Variants in FRMD6 observed in about 807,000 individuals in gnomAD.
The protein encoded by FRMD6 is FERM domain-containing protein 6.
Under a neutral mutation model 73.2 loss-of-function variants are expected in FRMD6, and 37 were observed. The observed-to-expected ratio is 0.51, with a 90% CI of 0.39 to 0.66. FRMD6 has a LOEUF of 0.66. FRMD6 is among the 30% of genes least tolerant of loss of function. The pLI is 0.00. For synonymous variants in FRMD6, 273 were observed against 282.2 expected, an observed-to-expected ratio of 0.97 and a Z score of 0.33; for missense variants, 714 against 780.5, an observed-to-expected ratio of 0.91 and a Z score of 1.02.
chr14:51,721,203 C>A (rs922819406), intron 11 of FRMD6, among the ~76,000 whole-genome samples: 2 of 152,078 alleles, frequency 1.3e-5, no homozygotes, highest in African/African-American at 4.8e-5. Context: ...CCATCAGTTT[C>A]GGTTTGTCCT....
intron 1 of FRMD6, among the ~76,000 whole-genome samples, chr14:51,676,572 C>T (rs1894406285): frequency 6.6e-6 from 1 of 152,108 alleles, no homozygotes; most frequent in Admixed American, 6.6e-5. Context: ...CTTGTCCTGC[C>T]TTATGTATCT....
chr14:51,482,796 G>A, the FRMD6 span, among the ~76,000 whole-genome samples: 1 of 151,932 alleles, frequency 6.6e-6, no homozygotes, highest in Non-Finnish European at 1.5e-5. Flanking sequence ...TGCCTCCTGG[G>A]TTCACTCAAT....
At chr14:51,519,869 G>A (rs1387781193) in intron 1 of FRMD6, among the ~76,000 whole-genome samples, 1 of 152,160 alleles carries the variant, frequency 6.6e-6, no homozygotes, top group African/African-American at 2.4e-5. Flanking sequence ...ATACATTTCA[G>A]TCACTATAAA....
chr14:51,595,060 A>G (rs1437107913), intron 2 of FRMD6, among the ~76,000 whole-genome samples: 1 of 152,200 alleles, frequency 6.6e-6, no homozygotes, highest in East Asian at 1.9e-4. Flanking sequence ...TGTGCTAGAC[A>G]CCAAAGGAGG....
intron 2 of FRMD6, among the ~76,000 whole-genome samples, chr14:51,607,074 C>G (rs1413682150): frequency 6.6e-6 from 1 of 152,046 alleles, no homozygotes; most frequent in Non-Finnish European, 1.5e-5. Context: ...GTGGGTCTTC[C>G]CCCACTACTC....
chr14:51,513,407 T>C (rs1269451950), intron 1 of FRMD6, among the ~76,000 whole-genome samples: 1 of 152,188 alleles, frequency 6.6e-6, no homozygotes, highest in Non-Finnish European at 1.5e-5. Flanking sequence ...AGGAACAGAT[T>C]CCTTTGCCAT....
the FRMD6 span, among the ~76,000 whole-genome samples, chr14:51,472,497 G>C: frequency 6.6e-6 from 1 of 152,104 alleles, no homozygotes; most frequent in Admixed American, 6.5e-5. Flanking sequence ...TAGAGACAGA[G>C]TTTCACCGTG....
intron 2 of FRMD6, among the ~76,000 whole-genome samples, chr14:51,690,684 A>C (rs545912558): frequency 6.6e-6 from 1 of 152,242 alleles, no homozygotes; most frequent in East Asian, 1.9e-4. Flanking sequence ...GCCCAGCCTT[A>C]GATAGCTTTT....
At chr14:51,711,422 C>A in intron 7 of FRMD6, 109 bp from the exon 8 acceptor site, 2 of 648,210 alleles carry the variant, frequency 3.1e-6, no homozygotes, top group African/African-American at 1.8e-5. Context: ...AAGTCAAAAA[C>A]TTTTCAGTCC....
At chr14:51,431,329 A>T in the FRMD6 span, among the ~76,000 whole-genome samples, 6 of 152,222 alleles carry the variant, frequency 3.9e-5, no homozygotes, top group African/African-American at 1.4e-4. Context: ...TTAGTATGCC[A>T]GTGGCTCTAA....
At chr14:51,710,206 T>C (rs949282392) in intron 7 of FRMD6, among the ~76,000 whole-genome samples, 1 of 152,166 alleles carries the variant, frequency 6.6e-6, no homozygotes, top group Non-Finnish European at 1.5e-5. Context: ...AGATTTTTAG[T>C]AAAAATGTAA....
chr14:51,585,949 A>G (rs184162749), intron 2 of FRMD6, among the ~76,000 whole-genome samples: 6,359 of 23,282 alleles, frequency 0.27, 836 homozygotes, highest in Middle Eastern at 0.44. Flanking sequence ...GTATATATAT[A>G]TATATATATA....
intron 1 of FRMD6, among the ~76,000 whole-genome samples, chr14:51,505,585 T>A (rs955166450): frequency 6.6e-6 from 1 of 152,166 alleles, no homozygotes; most frequent in African/African-American, 2.4e-5. Flanking sequence ...TACATCTGTA[T>A]TCACAGTCCC....
chr14:51,433,454 G>A, the FRMD6 span, among the ~76,000 whole-genome samples: 2 of 152,236 alleles, frequency 1.3e-5, no homozygotes, highest in East Asian at 3.9e-4. Context: ...AATATGTGTA[G>A]TATACTATGC....
chr14:51,527,305 C>T (rs1885311309), intron 1 of FRMD6, among the ~76,000 whole-genome samples: 1 of 152,324 alleles, frequency 6.6e-6, no homozygotes, highest in Admixed American at 6.5e-5. Context: ...GGTTTATAAA[C>T]ATTAACTCAA....
At chr14:51,578,339 C>A (rs1039350626) in intron 2 of FRMD6, among the ~76,000 whole-genome samples, 1 of 152,094 alleles carries the variant, frequency 6.6e-6, no homozygotes, top group Non-Finnish European at 1.5e-5. Context: ...ACAAAGTGGC[C>A]ACTGGAAGAA....
At chr14:51,526,607 T>C (rs1485158415) in intron 1 of FRMD6, among the ~76,000 whole-genome samples, 2 of 152,164 alleles carry the variant, frequency 1.3e-5, no homozygotes, top group African/African-American at 4.8e-5. Flanking sequence ...CAAATAAGCC[T>C]CTTACACTAA....
intron 1 of FRMD6, among the ~76,000 whole-genome samples, chr14:51,662,051 G>A (rs1893252131): frequency 6.6e-6 from 1 of 152,182 alleles, no homozygotes; most frequent in Admixed American, 6.5e-5. Context: ...TTTTGAAATA[G>A]AGAAACGGTT....
chr14:51,528,442 T>A (rs1327143154), intron 1 of FRMD6, among the ~76,000 whole-genome samples: 1 of 152,188 alleles, frequency 6.6e-6, no homozygotes, highest in East Asian at 1.9e-4. Flanking sequence ...CCCACAACTA[T>A]AAGATGAGGA....
Sources: allele counts gnomAD v4.1 joint callset (sites outside exome capture counted in the v4.1 genomes callset), GRCh38; gene constraint gnomAD v4.1.1; transcripts MANE v1.5; gene names NCBI Gene and HGNC (gene_info 2026-07-23, HGNC 2026-07-21).